Variants in PCCB observed in about 807,000 individuals in gnomAD.
The protein encoded by PCCB is propionyl-CoA carboxylase subunit beta.
PCCB carries 43 observed loss-of-function variants against 60.7 expected under a neutral mutation model. That is an observed-to-expected ratio of 0.71 (90% CI 0.55 to 0.91). PCCB has a LOEUF of 0.91. Among genes scored for constraint, PCCB ranks in the 40% least tolerant of loss-of-function variants. The pLI is 0.00. For synonymous variants in PCCB, 276 were observed against 255.9 expected (o/e 1.08, Z -0.75); for missense variants, 766 against 702.8 (o/e 1.09, Z -1.02).
rs1339006406 is a variant in PCCB at position 136,330,005 on chromosome 3, A to C, written c.1599A>C (p.Lys533Asn). The C allele has an allele frequency of 1.2e-6, 2 of 1,614,142 alleles. No individual in the cohort carries two copies. Among genetic ancestry groups the C allele is most frequent in the East Asian group, 2.2e-5 (1 of 44,874 alleles). ...ASKKVQRPWR[K>N]HANIPL ...AGAAGGTACAACGTCCTTGGAGAAA[A>C]CATGCAAATATTCCATTGTAAACAA... is the stretch of plus-strand genomic sequence containing the variant. The change falls in exon 15 of 15, where the codon AAA becomes AAC. Residue 533 changes from lysine to asparagine, a missense_variant. Transcript: ENST00000251654.
At chr3:136,272,028 A>G (rs1942215949) in intron 5 of PCCB, among the ~76,000 whole-genome samples, 1 of 152,150 alleles carries the variant, frequency 6.6e-6, no homozygotes, top group South Asian at 2.1e-4. Flanking sequence ...ATTTTGAAGT[A>G]TATCCCTCCT....
At position 136,326,743 on chromosome 3, in the gene PCCB, A is replaced by G. The variant is rs1042859153; in HGVS notation, c.1091-60A>G. The G allele has an allele frequency of 3.5e-6, 4 of 1,152,008 alleles. No homozygotes were observed. The South Asian group carries it at 3.7e-5, about 11-fold the overall frequency. 71.4% of individuals were successfully genotyped at this position (1,152,008 alleles called of 1,614,324 possible). ...GGATGGCTGCTGAGGACAAATCCCC[A>G]TTGTGGATAGAACTGGGAATTGCCT... On this transcript the variant is annotated intron_variant, in intron 10 of 14. Coordinates refer to ENST00000251654, the MANE Select transcript of PCCB (RefSeq NM_000532.5).
chr3:136,327,371 A>G, intron 12 of PCCB, 116 bp downstream of exon 12: 1 of 815,976 alleles, frequency 1.2e-6, no homozygotes, highest in Non-Finnish European at 2.1e-6. Context: ...CTCATCCTTA[A>G]AAAGATCTCT....
rs368576237 is a variant in PCCB at position 136,289,880 on chromosome 3, C to T, written c.655-3876C>T. ...AATTTCAGATAACACTTTTCTGCTT[C>T]CCAGGTTGTATGAGTACCTTATAAT... On this transcript the variant is annotated intron_variant, in intron 6 of 14. Transcript: ENST00000251654. Among the ~76,000 whole-genome samples, 4 of 151,456 alleles carry T rather than the reference C, an allele frequency of 2.6e-5. 1 individual carries two copies. The South Asian group carries it at 6.2e-4, about 24-fold the overall frequency.
chr3:136,310,546 T>C (rs191694841), intron 9 of PCCB, among the ~76,000 whole-genome samples: 77 of 152,278 alleles, frequency 5.1e-4, no homozygotes, highest in Non-Finnish European at 3.2e-4. Flanking sequence ...CAGGCCCAAA[T>C]AGTTTCATGT....
chr3:136,291,500 A>G (rs1032698771), intron 6 of PCCB, among the ~76,000 whole-genome samples: 6 of 152,158 alleles, frequency 3.9e-5, no homozygotes, highest in African/African-American at 1.4e-4. Flanking sequence ...AGTGTTCTGT[A>G]GTCTTATGAG....
At chr3:136,318,501 T>C (rs993396094) in intron 10 of PCCB, among the ~76,000 whole-genome samples, 1 of 152,222 alleles carries the variant, frequency 6.6e-6, no homozygotes, top group Admixed American at 6.5e-5. Context: ...CACCACTGTT[T>C]CCAAACATTT....
At chr3:136,310,267 G>A (rs868732336) in intron 9 of PCCB, among the ~76,000 whole-genome samples, 8 of 152,114 alleles carry the variant, frequency 5.3e-5, no homozygotes, top group Non-Finnish European at 8.8e-5. Flanking sequence ...GGAGGCTGAG[G>A]CAGGAGAATT....
chr3:136,259,487 A>G (rs1293302064), intron 3 of PCCB, among the ~76,000 whole-genome samples: 2 of 152,210 alleles, frequency 1.3e-5, no homozygotes, highest in African/African-American at 4.8e-5. Context: ...AAAATAAAAC[A>G]GTAAATATTT....
intron 1 of PCCB, among the ~76,000 whole-genome samples, chr3:136,253,050 G>A (rs1251714072): frequency 1.4e-5 from 2 of 148,112 alleles, no homozygotes; most frequent in Admixed American, 6.8e-5. Context: ...TATTTGCCTC[G>A]GGTTGAGAGC....
intron 6 of PCCB, among the ~76,000 whole-genome samples, chr3:136,291,628 T>A (rs55655018): frequency 5.9e-5 from 9 of 152,118 alleles, no homozygotes; most frequent in African/African-American, 2.2e-4. Flanking sequence ...CCATTTCCCC[T>A]CTTCCACATG....
chr3:136,269,840 C>T (rs1331677460), intron 5 of PCCB, among the ~76,000 whole-genome samples: 2 of 141,052 alleles, frequency 1.4e-5, no homozygotes, highest in South Asian at 2.2e-4. Context: ...GAGCCGAGAT[C>T]GTGCTACTGC....
At chr3:136,269,380 G>C (rs924890176) in intron 5 of PCCB, among the ~76,000 whole-genome samples, 1 of 152,116 alleles carries the variant, frequency 6.6e-6, no homozygotes, top group Non-Finnish European at 1.5e-5. Flanking sequence ...TGTTGATCTT[G>C]TATACTGCTT....
chr3:136,269,143 T>TAAAAATACAAAAA (rs1942118136), intron 5 of PCCB, among the ~76,000 whole-genome samples: 2 of 152,046 alleles, frequency 1.3e-5, no homozygotes, highest in African/African-American at 4.8e-5. Flanking sequence ...TAGCCAGGTG[T>TAAAAATACAAAAA]TGTGGTGCAT....
In PCCB at chr3:136,304,901, A is replaced by G. The variant is rs1177727443; in HGVS notation, c.966+3790A>G. 1.7e-5 allele frequency among the ~76,000 whole-genome samples: 2 copies of G among 120,190 alleles called. 1 individual carries two copies. The highest frequency in any genetic ancestry group is 3.7e-5 in the Non-Finnish European group (2 of 54,136). The allele number at this position is 120,190 out of a possible 152,430, so 78.8% of individuals were successfully genotyped here. A position where few individuals can be genotyped will look rare whatever the true frequency, so the allele number is the denominator to read the frequency against. ...GAGACGGGGTTTCACCATGTTTGCC[A>G]GGATGGTCTTGATCTCCTGACCTCA... On this transcript the variant is annotated intron_variant, in intron 9 of 14. Coordinates refer to ENST00000251654, the MANE Select transcript of PCCB (RefSeq NM_000532.5).
chr3:136,308,988 T>TG (rs1322849728), intron 9 of PCCB, among the ~76,000 whole-genome samples: 3 of 151,944 alleles, frequency 2.0e-5, no homozygotes, highest in African/African-American at 7.2e-5. Context: ...ACAGGCCAGG[T>TG]GCGGTGGCTC....
At chr3:136,288,170 G>A (rs1023139207) in intron 6 of PCCB, among the ~76,000 whole-genome samples, 1 of 152,080 alleles carries the variant, frequency 6.6e-6, no homozygotes, top group African/African-American at 2.4e-5. Context: ...CTAAATTAAG[G>A]TATGTTTATG....
chr3:136,303,783 T>A (rs1329842540), intron 9 of PCCB, among the ~76,000 whole-genome samples: 2 of 121,210 alleles, frequency 1.7e-5, no homozygotes, highest in African/African-American at 2.5e-5. Context: ...TTTGTACTTT[T>A]AGTAGAGACA....
intron 8 of PCCB, among the ~76,000 whole-genome samples, chr3:136,300,029 C>G (rs1363419379): frequency 1.3e-5 from 2 of 151,404 alleles, no homozygotes; most frequent in African/African-American, 2.4e-5. Context: ...TACACGCCCA[C>G]ACATGCATAT....
Sources: gnomAD v4.1 joint callset for allele counts (sites outside exome capture counted in the v4.1 genomes callset) on GRCh38, gnomAD v4.1.1 for gene constraint, MANE v1.5 for transcripts, NCBI Gene and HGNC (gene_info 2026-07-23, HGNC 2026-07-21) for gene names.